The following ROBO2 variants were observed in gnomAD, a reference collection of about 807,000 sequenced individuals.
ROBO2 encodes the protein roundabout homolog 2.
ROBO2 carries 53 observed loss-of-function variants against 160.8 expected under a neutral mutation model. The observed-to-expected ratio is 0.33, with a 90% confidence interval of 0.26 to 0.41. The LOEUF is 0.41. ROBO2 is among the 10% of genes least tolerant of loss of function. ROBO2 has a pLI of 1.00. For synonymous variants in ROBO2, 664 were observed against 611.7 expected, an observed-to-expected ratio of 1.09 and a Z score of -1.26; for missense variants, 1,577 against 1,722.4, an observed-to-expected ratio of 0.92 and a Z score of 1.49.
intron 9 of ROBO2, among the ~76,000 whole-genome samples, chr3:77,560,390 A>T (rs1001601075): frequency 2.0e-5 from 3 of 152,150 alleles, no homozygotes; most frequent in African/African-American, 7.2e-5. Context: ...AAATTAAAGG[A>T]ATAAAATGTG....
intron 2 of ROBO2, among the ~76,000 whole-genome samples, chr3:76,219,885 T>C (rs1703842155): frequency 1.3e-5 from 2 of 152,028 alleles, no homozygotes; most frequent in African/African-American, 4.8e-5. Context: ...CACATATGTT[T>C]ACTGCAGCAC....
intron 1 of ROBO2, among the ~76,000 whole-genome samples, chr3:75,928,132 G>C (rs539176069): frequency 3.6e-4 from 55 of 151,980 alleles, no homozygotes; most frequent in African/African-American, 1.3e-3. Context: ...TTACAGGCGT[G>C]AGCCACCACG....
intron 2 of ROBO2, among the ~76,000 whole-genome samples, chr3:75,941,482 T>C (rs1032612509): frequency 3.3e-5 from 5 of 152,212 alleles, no homozygotes; most frequent in African/African-American, 1.2e-4. Flanking sequence ...AACATTATCA[T>C]GAATACACAG....
Position 77,000,944 on chromosome 3 carries a change from G to A in ROBO2, c.110-97070G>A, listed in dbSNP as rs189917723. On this transcript the variant is annotated intron_variant, in intron 2 of 26. Coordinates refer to the ROBO2 transcript ENST00000487694. ...AGAGGTAATTTCCAAAACATGACAT[G>A]ACATGCTATGAGTCTTAACGCATCC... Among the ~76,000 whole-genome samples, 245 of 152,110 alleles carry A rather than the reference G, an allele frequency of 1.6e-3. 1 individual carries two copies. The highest frequency in any genetic ancestry group is 5.4e-3 in the African/African-American group (224 of 41,516).
At chr3:76,353,343 T>C (rs551482284) in intron 2 of ROBO2, among the ~76,000 whole-genome samples, 17 of 152,088 alleles carry the variant, frequency 1.1e-4, no homozygotes, top group African/African-American at 4.1e-4. Context: ...TTGGCAAATA[T>C]AACTTTAATA....
At chr3:76,706,403 A>C (rs1426147993) in intron 2 of ROBO2, among the ~76,000 whole-genome samples, 1 of 152,224 alleles carries the variant, frequency 6.6e-6, no homozygotes, top group African/African-American at 2.4e-5. Flanking sequence ...AAAATTCAAA[A>C]GTGAAAATGT....
intron 2 of ROBO2, among the ~76,000 whole-genome samples, chr3:77,137,233 TA>T (rs1230306563): frequency 5.3e-5 from 8 of 152,202 alleles, no homozygotes; most frequent in Non-Finnish European, 7.3e-5. Flanking sequence ...ATTTGATGAT[TA>T]TTTTTTTTTG....
At chr3:76,589,421 C>A (rs966955481) in intron 2 of ROBO2, among the ~76,000 whole-genome samples, 3 of 152,268 alleles carry the variant, frequency 2.0e-5, no homozygotes, top group African/African-American at 7.2e-5. Context: ...CTGCCTCAGC[C>A]TCCCGAGTAG....
intron 2 of ROBO2, among the ~76,000 whole-genome samples, chr3:76,113,571 C>T (rs2070334854): frequency 6.6e-6 from 1 of 152,070 alleles, no homozygotes; most frequent in Non-Finnish European, 1.5e-5. Flanking sequence ...TATATTGAGT[C>T]ATAGGAATAT....
chr3:76,184,854 T>TGTAACTCA (rs1701669321), intron 2 of ROBO2, among the ~76,000 whole-genome samples: 1 of 151,586 alleles, frequency 6.6e-6, no homozygotes, highest in Non-Finnish European at 1.5e-5. Flanking sequence ...AGAGAAAGAG[T>TGTAACTCA]GTAACTCAGC....
chr3:75,947,117 T>A (rs1041468577), intron 2 of ROBO2, among the ~76,000 whole-genome samples: 1 of 152,102 alleles, frequency 6.6e-6, no homozygotes, highest in African/African-American at 2.4e-5. Context: ...GGGATTATGG[T>A]CACTTTTAGT....
intron 2 of ROBO2, among the ~76,000 whole-genome samples, chr3:76,061,819 G>C (rs966084795): frequency 1.3e-5 from 2 of 152,084 alleles, no homozygotes; most frequent in African/African-American, 4.8e-5. Context: ...CAGCAGGACT[G>C]AATTCCTTTC....
At chr3:76,779,569 T>A (rs975620665) in intron 2 of ROBO2, among the ~76,000 whole-genome samples, 5 of 150,990 alleles carry the variant, frequency 3.3e-5, no homozygotes, top group African/African-American at 1.2e-4. Context: ...TTTGGCTATT[T>A]TAGGTTCTAC....
At chr3:76,713,088 C>A (rs2107625229) in intron 2 of ROBO2, among the ~76,000 whole-genome samples, 1 of 152,198 alleles carries the variant, frequency 6.6e-6, no homozygotes, top group Non-Finnish European at 1.5e-5. Context: ...CCAAAATTGC[C>A]TGATTTGGAG....
intron 2 of ROBO2, among the ~76,000 whole-genome samples, chr3:77,151,261 G>C (rs1303342962): frequency 4.6e-5 from 7 of 151,930 alleles, no homozygotes; most frequent in Admixed American, 4.6e-4. Flanking sequence ...TACAACATTA[G>C]AGCCAAAAAT....
At chr3:76,446,957 A>T (rs934677985) in intron 2 of ROBO2, among the ~76,000 whole-genome samples, 5 of 152,304 alleles carry the variant, frequency 3.3e-5, no homozygotes, top group Middle Eastern at 3.4e-3. Flanking sequence ...AACCTAGGCA[A>T]TACCATTCAG....
At chr3:76,602,603 C>T (rs1317517676) in intron 2 of ROBO2, among the ~76,000 whole-genome samples, 1 of 152,234 alleles carries the variant, frequency 6.6e-6, no homozygotes, top group African/African-American at 2.4e-5. Context: ...GAGACTCATT[C>T]ACTTTCATAA....
intron 2 of ROBO2, among the ~76,000 whole-genome samples, chr3:76,692,752 C>T (rs2092829221): frequency 6.6e-6 from 1 of 151,970 alleles, no homozygotes; most frequent in African/African-American, 2.4e-5. Flanking sequence ...ATGAAAATTT[C>T]TGGAATGCAT....
intron 2 of ROBO2, among the ~76,000 whole-genome samples, chr3:76,444,560 C>T (rs1168447946): frequency 6.6e-6 from 1 of 152,080 alleles, no homozygotes; most frequent in East Asian, 1.9e-4. Context: ...GCACCTTCTT[C>T]ACTAGTCAAG....
Sources: allele counts gnomAD v4.1 joint callset (sites outside exome capture counted in the v4.1 genomes callset), GRCh38; gene constraint gnomAD v4.1.1; transcripts MANE v1.5; gene names NCBI Gene and HGNC (gene_info 2026-07-23, HGNC 2026-07-21).